RAI1: variants seen among roughly 807,000 people sequenced by gnomAD.
The protein encoded by RAI1 is retinoic acid induced 1.
A neutral mutation model predicts 123.8 loss-of-function variants in RAI1; 9 were observed. That is an observed-to-expected ratio of 0.07 (90% CI 0.04 to 0.13). The LOEUF is 0.13. Among genes scored for constraint, RAI1 ranks in the 10% least tolerant of loss-of-function variants. RAI1 has a pLI of 1.00. For missense variants in RAI1, 2,256 were observed against 2,545.8 expected (o/e 0.89, Z 2.45); for synonymous variants, 1,231 against 1,127.3 (o/e 1.09, Z -1.84).
intron 2 of RAI1, among the ~76,000 whole-genome samples, chr17:17,741,115 G>GCGCA (rs1225644742): frequency 6.7e-6 from 1 of 149,382 alleles, no homozygotes; most frequent in East Asian, 2.0e-4. Flanking sequence ...ACACACACTC[G>GCGCA]CGCACGCACA....
intron 1 of RAI1, among the ~76,000 whole-genome samples, chr17:17,687,354 G>A (rs1393226564): frequency 1.3e-5 from 2 of 152,170 alleles, no homozygotes; most frequent in African/African-American, 4.8e-5. Flanking sequence ...GTAAATGGGG[G>A]AAGAGTGGAC....
Position 17,795,143 on chromosome 17 carries a change from C to G in RAI1, c.2195C>G (p.Thr732Arg), listed in dbSNP as rs753384175. ...TTAAFDCFPD[T>R]TAASSADSAN... ...GCAGCTTTTGACTGTTTCCCGGACACAACCGCTGCCAGCTCAGCGGACAGC... is the reference window on the plus strand; with the variant it reads ...GCAGCTTTTGACTGTTTCCCGGACAGAACCGCTGCCAGCTCAGCGGACAGC... Residue 732 changes from threonine (T) to arginine (R), a missense_variant, in exon 3 of 6, where the codon ACA becomes AGA. Thr to Arg is a moderately conservative substitution (Grantham distance 71, BLOSUM62 -1). This residue lies in a region of RAI1 where 566 missense variants were observed against 616.0 expected (regional missense o/e 0.92). Coordinates refer to ENST00000353383, the MANE Select transcript of RAI1 (RefSeq NM_030665.4). This position sits in a 1 kb window ranked among gnomAD's most constrained non-coding sequence, Gnocchi z 5.9. 3 of 1,614,082 alleles carry G rather than the reference C, an allele frequency of 1.9e-6. No homozygotes were observed. The highest frequency in any genetic ancestry group is 2.5e-6 in the Non-Finnish European group (3 of 1,180,044).
rs1403738996 is a variant in RAI1, at chr17:17,801,582, G to A, written c.5566-2174G>A. On this transcript the variant is annotated intron_variant, in intron 3 of 5. Coordinates refer to ENST00000353383, the MANE Select transcript of RAI1 (RefSeq NM_030665.4). This position sits in a 1 kb window ranked among gnomAD's most constrained non-coding sequence, Gnocchi z 4.1. Reference sequence around the variant, plus strand: ...CGTCATCCCTTTTGGGTCAGGAACTGGGGACGCTGGACTCCAGATCTCCAG... The same window carrying A: ...CGTCATCCCTTTTGGGTCAGGAACTAGGGACGCTGGACTCCAGATCTCCAG... 6.6e-6 allele frequency among the ~76,000 whole-genome samples: 1 copy of A among 152,214 alleles called. No homozygotes were observed. The highest frequency in any genetic ancestry group is 1.5e-5 in the Non-Finnish European group (1 of 68,030).
intron 2 of RAI1, among the ~76,000 whole-genome samples, chr17:17,757,034 G>A (rs940334607): frequency 2.0e-5 from 3 of 152,248 alleles, no homozygotes; most frequent in East Asian, 1.9e-4. Context: ...CTATCTCCGC[G>A]GGGTCAGGCT....
At chr17:17,748,970 G>T (rs538748589) in intron 2 of RAI1, among the ~76,000 whole-genome samples, 5 of 152,304 alleles carry the variant, frequency 3.3e-5, no homozygotes, top group African/African-American at 2.4e-5. Context: ...TGCTGCATCT[G>T]TTCCTGCTTC....
intron 1 of RAI1, among the ~76,000 whole-genome samples, chr17:17,689,396 C>T (rs1914763994): frequency 1.3e-5 from 2 of 152,152 alleles, no homozygotes; most frequent in Non-Finnish European, 2.9e-5. Context: ...TCTTTTTACA[C>T]ATGGGGCGGG....
chr17:17,746,926 C>T (rs974210920), intron 2 of RAI1, among the ~76,000 whole-genome samples: 5 of 152,204 alleles, frequency 3.3e-5, no homozygotes, highest in Admixed American at 6.5e-5. Flanking sequence ...TGAGCCACCA[C>T]GCCCAGCCCC....
At position 17,806,196 on chromosome 17, in the gene RAI1, C is replaced by T. The variant is rs902870680; in HGVS notation, c.5659+2347C>T. 7.9e-5 allele frequency among the ~76,000 whole-genome samples: 12 copies of T among 152,154 alleles called. 1 individual carries two copies. In the South Asian group the frequency reaches 1.7e-3, roughly 21 times the overall value. On this transcript the variant is annotated intron_variant, in intron 4 of 5. Coordinates refer to ENST00000353383, the MANE Select transcript of RAI1 (RefSeq NM_030665.4). ...CAAGGGAGAAATCTAGGAAGACTTC[C>T]AGGAGGAGGTGACATTTAAGCCAGG...
intron 2 of RAI1, among the ~76,000 whole-genome samples, chr17:17,734,236 A>G (rs185981832): frequency 3.9e-5 from 6 of 152,184 alleles, no homozygotes; most frequent in East Asian, 1.9e-4. Context: ...TTAGCCCCCA[A>G]CGACCAAAAG....
rs1184342191 is a variant in RAI1, at chr17:17,800,968, G to A, written c.5565+2455G>A. Among the ~76,000 whole-genome samples, 1 of 152,208 alleles carries A rather than the reference G, an allele frequency of 6.6e-6. No individual in the cohort carries two copies. The highest frequency in any genetic ancestry group is 1.5e-5 in the Non-Finnish European group (1 of 68,028). On this transcript the variant is annotated intron_variant, in intron 3 of 5. Transcript: ENST00000353383. The surrounding 1 kb of genome is among the most constrained non-coding windows in gnomAD (Gnocchi z 4.7). ...CCCGTTAGCAGGATTGTGGGGTTCT[G>A]TGGATCATGTGGGACCTGCCTGGCA...
chr17:17,704,271 A>G (rs760456264), intron 1 of RAI1, among the ~76,000 whole-genome samples: 5 of 152,206 alleles, frequency 3.3e-5, no homozygotes, highest in Non-Finnish European at 5.9e-5. Context: ...GCCCTGCACA[A>G]GGTGTGACCT....
chr17:17,683,773 C>T (rs1231220324), intron 1 of RAI1: 1 of 152,266 alleles, frequency 6.6e-6, no homozygotes, highest in Non-Finnish European at 1.5e-5. Flanking sequence ...GCCTAGCATC[C>T]CTCTGGCTTC....
Position 17,772,004 on chromosome 17 carries a change from G to A in RAI1, c.-16-20929G>A, listed in dbSNP as rs544337784. Among the ~76,000 whole-genome samples, 5 of 152,352 alleles carry A rather than the reference G, an allele frequency of 3.3e-5. No individual in the cohort carries two copies. In the East Asian group the frequency reaches 9.6e-4, roughly 29 times the overall value. On this transcript the variant is annotated intron_variant, in intron 2 of 5. Transcript: ENST00000353383. ...GTGGTGCATGGCTCTGGGCCACCAT[G>A]CTGTGTGTCCCCTTGTCCTCTCTGG...
chr17:17,689,102 C>T (rs148884418), intron 1 of RAI1, among the ~76,000 whole-genome samples: 227 of 152,002 alleles, frequency 1.5e-3, no homozygotes, highest in Middle Eastern at 3.4e-3. Context: ...ATTACAGGTA[C>T]GCACTACCAT....
Position 17,795,256 on chromosome 17 carries a change from G to A in RAI1, c.2308G>A (p.Glu770Lys), listed in dbSNP as rs778093942. 2 of 1,614,034 alleles carry A rather than the reference G, an allele frequency of 1.2e-6. No homozygotes were observed. Among genetic ancestry groups the A allele is most frequent in the East Asian group, 2.2e-5 (1 of 44,872 alleles). The stretch of plus-strand genomic sequence containing the variant: ...CCCTGGCGAGCTTACCAAGGGCCTG[G>A]AGCAGGGTGGGAAGGCCTCAGATGG... ...LHPGELTKGLEQGGKASDGIS... is the reference protein window; with the variant it reads ...LHPGELTKGLKQGGKASDGIS... The change falls in exon 3 of 6, where the codon GAG (glutamate) becomes AAG (lysine). Residue 770 changes from glutamate to lysine, a missense_variant. Glu to Lys is a moderately conservative substitution (Grantham distance 56). Transcript: ENST00000353383. This position sits in a 1 kb window ranked among gnomAD's most constrained non-coding sequence, Gnocchi z 5.9.
At chr17:17,713,896 G>A (rs931604954) in intron 1 of RAI1, among the ~76,000 whole-genome samples, 1 of 152,146 alleles carries the variant, frequency 6.6e-6, no homozygotes, top group African/African-American at 2.4e-5. Context: ...TTTCACTTGG[G>A]AGGTTGGGAG....
intron 2 of RAI1, among the ~76,000 whole-genome samples, chr17:17,754,290 C>T (rs529346266): frequency 1.3e-5 from 2 of 150,978 alleles, no homozygotes; most frequent in South Asian, 2.1e-4. Context: ...CCGCAACCTC[C>T]GCCTCCTGGG....
intron 2 of RAI1, among the ~76,000 whole-genome samples, chr17:17,748,678 C>G (rs1225028516): frequency 6.6e-6 from 1 of 152,068 alleles, no homozygotes; most frequent in Non-Finnish European, 1.5e-5. Context: ...GGAGCCGAGG[C>G]TGGCATACCT....
chr17:17,754,175 A>G (rs1196703305), intron 2 of RAI1, among the ~76,000 whole-genome samples: 1 of 126,818 alleles, frequency 7.9e-6, no homozygotes, highest in Non-Finnish European at 1.7e-5. Flanking sequence ...ATTTTATGCC[A>G]TTCGCCTAAC....
Sources: allele counts gnomAD v4.1 joint callset (sites outside exome capture counted in the v4.1 genomes callset), GRCh38; gene constraint gnomAD v4.1.1; regional missense constraint gnomAD v4.1.1; non-coding constraint Gnocchi (gnomAD v3.1); transcripts MANE v1.5; gene names NCBI Gene and HGNC (gene_info 2026-07-23, HGNC 2026-07-21).